The following RABGAP1 variants were observed in gnomAD, a reference collection of about 807,000 sequenced individuals.
The protein encoded by RABGAP1 is RAB GTPase activating protein 1, also known as rab GTPase-activating protein 1.
RABGAP1 carries 23 observed loss-of-function variants against 137.6 expected under a neutral mutation model. The ratio of observed to expected loss-of-function variants is 0.17; its 90% CI spans 0.12 to 0.24. RABGAP1 has a LOEUF of 0.24. Among genes scored for constraint, RABGAP1 ranks in the 10% least tolerant of loss-of-function variants. The pLI, the probability that RABGAP1 is intolerant of heterozygous loss-of-function variation, is 1.00. For missense variants in RABGAP1, 906 were observed against 1,275.8 expected, an observed-to-expected ratio of 0.71 and a Z score of 4.42; for synonymous variants, 451 against 450.7, an observed-to-expected ratio of 1.00 and a Z score of -0.01.
intron 14 of RABGAP1, 110 bp downstream of exon 14, chr9:123,065,571 C>A: frequency 1.2e-6 from 1 of 851,480 alleles, no homozygotes; most frequent in Non-Finnish European, 1.9e-6. Flanking sequence ...TCAAGAATTC[C>A]AAAAAGAGAA....
At chr9:123,012,852 C>G (rs1275172251) in intron 11 of RABGAP1, among the ~76,000 whole-genome samples, 1 of 152,200 alleles carries the variant, frequency 6.6e-6, no homozygotes, top group Non-Finnish European at 1.5e-5. Context: ...GCCATGCTAT[C>G]TTTTAATTCT....
At chr9:123,096,657 C>T (rs1224001853) in intron 21 of RABGAP1, among the ~76,000 whole-genome samples, 1 of 152,246 alleles carries the variant, frequency 6.6e-6, no homozygotes, top group Non-Finnish European at 1.5e-5. Flanking sequence ...CAACCTCAGC[C>T]TCCTGGGTTC....
intron 19 of RABGAP1, among the ~76,000 whole-genome samples, chr9:123,088,322 T>C (rs1450891252): frequency 6.6e-6 from 1 of 152,140 alleles, no homozygotes; most frequent in Admixed American, 6.6e-5. Flanking sequence ...AGTGCTGAGA[T>C]TACAGGTGTG....
chr9:123,090,128 A>G, intron 20 of RABGAP1, 147 bp from the exon 21 acceptor site: 1 of 662,792 alleles, frequency 1.5e-6, no homozygotes. Context: ...AAAATAAGAA[A>G]TTGTTGATTT....
At chr9:123,104,857 TACAA>T (rs984852688) in exon 26 of RABGAP1, 8 of 152,378 alleles carry the variant, frequency 5.3e-5, no homozygotes, top group East Asian at 7.7e-4. Flanking sequence ...AATATTTTGG[TACAA>T]ACAAACAGCA....
chr9:122,985,611 C>CAAAAAAAAAAAAAAAAAAA (rs34147826), intron 3 of RABGAP1, among the ~76,000 whole-genome samples: 1 of 91,110 alleles, frequency 1.1e-5, no homozygotes, highest in African/African-American at 4.7e-5. Flanking sequence ...GACTCCGTCT[C>CAAAAAAAAAAAAAAAAAAA]AAAAAAAAAA....
chr9:123,066,386 C>T (rs1028386316), intron 14 of RABGAP1, among the ~76,000 whole-genome samples: 2 of 152,212 alleles, frequency 1.3e-5, no homozygotes, highest in African/African-American at 4.8e-5. Context: ...CCATCTCTCA[C>T]TTTACTACAG....
intron 13 of RABGAP1, chr9:123,034,358 G>A (rs1267280017): frequency 3.5e-6 from 2 of 570,888 alleles, no homozygotes; most frequent in Non-Finnish European, 6.1e-6. Context: ...GACAACTGCT[G>A]CTGGCTCTCC....
chr9:123,034,929 C>A, intron 13 of RABGAP1: 2 of 1,612,580 alleles, frequency 1.2e-6, no homozygotes, highest in Non-Finnish European at 1.7e-6. Context: ...CTTCTCTGGC[C>A]TGTATCAGCA....
At chr9:122,997,403 C>T (rs890754651) in intron 9 of RABGAP1, 42 bp downstream of exon 9, 1 of 1,440,044 alleles carries the variant, frequency 6.9e-7, no homozygotes, top group Admixed American at 2.3e-5. Context: ...ATTTTAGTCT[C>T]AAGAAGAGAT....
chr9:122,952,974 C>T (rs955405500), intron 1 of RABGAP1, among the ~76,000 whole-genome samples: 1 of 152,030 alleles, frequency 6.6e-6, no homozygotes, highest in Non-Finnish European at 1.5e-5. Flanking sequence ...CATTTTATTC[C>T]TTTCTGTGAT....
At chr9:123,091,197 A>C (rs1001876034) in intron 21 of RABGAP1, among the ~76,000 whole-genome samples, 2 of 152,074 alleles carry the variant, frequency 1.3e-5, no homozygotes, top group African/African-American at 2.4e-5. Context: ...TTTCCCTGCT[A>C]GGCTCCTAGG....
At chr9:122,957,319 A>G (rs1834579202) in intron 2 of RABGAP1, 110 bp downstream of exon 2, 1 of 835,202 alleles carries the variant, frequency 1.2e-6, no homozygotes, top group Non-Finnish European at 1.7e-6. Flanking sequence ...TGGAAGTAAT[A>G]TACTTCTTTT....
chr9:122,962,203 T>C (rs1185504283), intron 2 of RABGAP1, among the ~76,000 whole-genome samples: 1 of 151,784 alleles, frequency 6.6e-6, no homozygotes, highest in African/African-American at 2.4e-5. Flanking sequence ...TGATAAGATG[T>C]GCATTGTTTC....
In RABGAP1 at chr9:123,002,369, T is replaced by TATA. The variant is rs34043569; in HGVS notation, c.1374+3603_1374+3604insATA. Among the ~76,000 whole-genome samples, 161 of 100,818 alleles carry TATA rather than the reference T, an allele frequency of 1.6e-3. No homozygotes were observed. The East Asian group carries it at 0.02, about 13-fold the overall frequency. The allele number at this position is 100,818 out of a possible 152,430, so 66.1% of individuals were successfully genotyped here. ...TATATATTTTTATTATATATATATA[T>TATA]TTTTTTTTTACTTACTGGCCTGAGA... On this transcript the variant is annotated intron_variant, in intron 10 of 25. Coordinates refer to ENST00000373647, the MANE Select transcript of RABGAP1 (RefSeq NM_012197.4).
At chr9:122,977,178 A>T (rs1835805759) in intron 2 of RABGAP1, among the ~76,000 whole-genome samples, 1 of 152,214 alleles carries the variant, frequency 6.6e-6, no homozygotes, top group Admixed American at 6.5e-5. Flanking sequence ...TGGTGGCCAT[A>T]TGTGAAAGAG....
chr9:123,030,647 C>T (rs1318767752), intron 13 of RABGAP1, among the ~76,000 whole-genome samples: 1 of 152,038 alleles, frequency 6.6e-6, no homozygotes, highest in East Asian at 1.9e-4. Flanking sequence ...TGTGCACATA[C>T]CCATCATCTC....
chr9:122,982,873 TA>T (rs1367394194), intron 2 of RABGAP1, among the ~76,000 whole-genome samples: 2 of 151,972 alleles, frequency 1.3e-5, no homozygotes, highest in South Asian at 4.2e-4. Context: ...ATGTCACTTT[TA>T]AAAAAAAGTT....
chr9:123,019,423 A>G (rs972962023), intron 12 of RABGAP1, among the ~76,000 whole-genome samples: 5 of 149,462 alleles, frequency 3.3e-5, no homozygotes, highest in African/African-American at 1.2e-4. Flanking sequence ...CCTAGGCTCA[A>G]GCGATCTTCT....
Sources: gnomAD v4.1 joint callset for allele counts (sites outside exome capture counted in the v4.1 genomes callset) on GRCh38, gnomAD v4.1.1 for gene constraint, MANE v1.5 for transcripts, NCBI Gene and HGNC (gene_info 2026-07-23, HGNC 2026-07-21) for gene names.